Variants in SH3BP4 observed in about 807,000 individuals in gnomAD.
The protein encoded by SH3BP4 is SH3 domain binding protein 4.
Under a neutral mutation model 65.5 loss-of-function variants are expected in SH3BP4, and 33 were observed. The ratio of observed to expected loss-of-function variants is 0.50; its 90% CI spans 0.38 to 0.67. SH3BP4 has a LOEUF of 0.67. SH3BP4 is among the 30% of genes least tolerant of loss of function. The probability of loss-of-function intolerance (pLI) is 0.00; values close to 1 mark genes in which losing one functional copy is unlikely to be tolerated. For missense variants in SH3BP4, 1,134 were observed against 1,261.4 expected, an observed-to-expected ratio of 0.90 and a Z score of 1.53; for synonymous variants, 552 against 545.5, an observed-to-expected ratio of 1.01 and a Z score of -0.17.
At chr2:235,017,045 CTTTTTTTTTTTTT>C (rs995197698) in intron 2 of SH3BP4, among the ~76,000 whole-genome samples, 6 of 88,440 alleles carry the variant, frequency 6.8e-5, no homozygotes, top group African/African-American at 1.8e-4. Flanking sequence ...GTTTGCCTTT[CTTTTTTTTTTTTT>C]TTTTTTTTTT....
At position 234,959,139 on chromosome 2, in the gene SH3BP4, T is replaced by C. The variant is rs75470102; in HGVS notation, c.-207+6969T>C. Among the ~76,000 whole-genome samples the C allele has an allele frequency of 8.9e-3, 1,352 of 152,262 alleles. 37 individuals carry two copies. The highest frequency in any genetic ancestry group is 0.067 in the Admixed American group (1,021 of 15,298). On this transcript the variant is annotated intron_variant, in intron 1 of 5. Coordinates refer to ENST00000392011, the MANE Select transcript of SH3BP4 (RefSeq NM_014521.3). ...TGTGGAGGGCTGGCTGGGGGGCCCATTTGTCCTTAAGACTCAATTCAGCAG... is the reference window on the plus strand; with the variant it reads ...TGTGGAGGGCTGGCTGGGGGGCCCACTTGTCCTTAAGACTCAATTCAGCAG...
Position 235,041,421 on chromosome 2 carries a change from G to C in SH3BP4, c.652G>C (p.Asp218His). Residue 218 changes from aspartate to histidine, a missense_variant, in exon 4 of 6, where the codon GAT (aspartate) becomes CAT (histidine). Transcript: ENST00000392011. This position sits in a 1 kb window ranked among gnomAD's most constrained non-coding sequence, Gnocchi z 6.0. Reference sequence around the variant, plus strand: ...CACGAATAGCACTGGCAACATCTTCGATGAGCTTCCAGTCACAAACGGACT... The same window carrying C: ...CACGAATAGCACTGGCAACATCTTCCATGAGCTTCCAGTCACAAACGGACT... ...ATTNSTGNIFDELPVTNGLHA... is the reference protein window; with the variant it reads ...ATTNSTGNIFHELPVTNGLHA... 6.2e-7 allele frequency: 1 copy of C among 1,614,150 alleles called. No homozygotes were observed. Among genetic ancestry groups the C allele is most frequent in the Non-Finnish European group, 8.5e-7 (1 of 1,180,038 alleles).
intron 2 of SH3BP4, among the ~76,000 whole-genome samples, chr2:235,018,245 G>C (rs1241901944): frequency 6.6e-6 from 1 of 152,140 alleles, no homozygotes; most frequent in African/African-American, 2.4e-5. Flanking sequence ...GTGCTTGCTG[G>C]GAGTGAGGTG....
intron 1 of SH3BP4, among the ~76,000 whole-genome samples, chr2:234,968,377 CTTTTTTTT>C (rs551034590): frequency 9.5e-6 from 1 of 105,772 alleles, no homozygotes; most frequent in African/African-American, 3.5e-5. Flanking sequence ...CAGAGTTGTT[CTTTTTTTT>C]TTTTTTTTTT....
At position 235,052,421 on chromosome 2, in the gene SH3BP4, G is replaced by A; in HGVS notation, c.2479-141G>A. The A allele has an allele frequency of 1.6e-6, 1 of 616,684 alleles. No individual in the cohort carries two copies. The highest frequency in any genetic ancestry group is 2.7e-6 in the Non-Finnish European group (1 of 369,938). The allele number at this position is 616,684 out of a possible 1,614,324, so 38.2% of individuals were successfully genotyped here. A position where few individuals can be genotyped will look rare whatever the true frequency, so the allele number is the denominator to read the frequency against. ...TGAATCCTGGCAGTGATCGATTTCA[G>A]GGGACATTTGGTAGTAGGCCAGGGA... On this transcript the variant is annotated intron_variant, in intron 4 of 5. Transcript: ENST00000392011. The surrounding 1 kb of genome is among the most constrained non-coding windows in gnomAD (Gnocchi z 5.0).
intron 2 of SH3BP4, among the ~76,000 whole-genome samples, chr2:234,998,910 C>T (rs989523750): frequency 2.6e-5 from 4 of 152,158 alleles, no homozygotes; most frequent in African/African-American, 7.2e-5. Context: ...GTCCTGCAGG[C>T]ACTGATTCTG....
At chr2:235,010,253 C>G (rs1164965507) in intron 2 of SH3BP4, among the ~76,000 whole-genome samples, 2 of 152,196 alleles carry the variant, frequency 1.3e-5, no homozygotes, top group African/African-American at 4.8e-5. Context: ...CCCCTTTGCT[C>G]TGTCCCTGGG....
In SH3BP4 at chr2:234,995,331, C is replaced by T. The variant is rs1039161768; in HGVS notation, c.-178C>T. Reference sequence around the variant, plus strand: ...CTCCCTTCTCTCCTGGACAGAAGGCCGTGTCCTGGGACTTCTCTGATGGCG... The same window carrying T: ...CTCCCTTCTCTCCTGGACAGAAGGCTGTGTCCTGGGACTTCTCTGATGGCG... On this transcript the variant is annotated 5_prime_UTR_variant, in exon 2 of 6. Coordinates refer to ENST00000392011, the MANE Select transcript of SH3BP4 (RefSeq NM_014521.3). 10 of 152,308 alleles carry T rather than the reference C, an allele frequency of 6.6e-5. No individual in the cohort carries two copies. Among genetic ancestry groups the T allele is most frequent in the African/African-American group, 1.2e-4 (5 of 41,432 alleles). 9.4% of individuals were successfully genotyped at this position (152,308 alleles called of 1,614,324 possible). A position where few individuals can be genotyped will look rare whatever the true frequency, so the allele number is the denominator to read the frequency against.
intron 1 of SH3BP4, among the ~76,000 whole-genome samples, chr2:234,969,218 T>G (rs1249450038): frequency 6.6e-6 from 1 of 152,256 alleles, no homozygotes; most frequent in Non-Finnish European, 1.5e-5. Flanking sequence ...GCTTAGGCTA[T>G]CTCACTTATT....
intron 2 of SH3BP4, among the ~76,000 whole-genome samples, chr2:235,007,199 A>C (rs183455104): frequency 1.1e-3 from 160 of 152,164 alleles, no homozygotes; most frequent in African/African-American, 3.7e-3. Context: ...CCCTGCAGGA[A>C]GGCAGGAGCA....
At chr2:235,018,600 G>A (rs1372777803) in intron 2 of SH3BP4, among the ~76,000 whole-genome samples, 2 of 152,300 alleles carry the variant, frequency 1.3e-5, no homozygotes, top group African/African-American at 4.8e-5. Flanking sequence ...GTATTATTAC[G>A]AGTAATTTAG....
chr2:235,052,766 G>A lies in SH3BP4; in HGVS notation c.2667+16G>A. ...GGACAGCGAGGTGAGCAGCGGCTGA[G>A]CTTCGAGCTCACCGAGCCCCTCTGT... On this transcript the variant is annotated intron_variant, in intron 5 of 5. Coordinates refer to ENST00000392011, the MANE Select transcript of SH3BP4 (RefSeq NM_014521.3). This position sits in a 1 kb window ranked among gnomAD's most constrained non-coding sequence, Gnocchi z 5.0. 4 of 1,556,574 alleles carry A rather than the reference G, an allele frequency of 2.6e-6. No homozygotes were observed. The highest frequency in any genetic ancestry group is 3.5e-6 in the Non-Finnish European group (4 of 1,155,074).
rs1352690368 is a variant in SH3BP4 at position 235,052,170 on chromosome 2, C to T, written c.2479-392C>T. Among the ~76,000 whole-genome samples the T allele has an allele frequency of 2.7e-5, 4 of 147,008 alleles. No homozygotes were observed. Among genetic ancestry groups the T allele is most frequent in the Non-Finnish European group, 4.5e-5 (3 of 66,978 alleles). The stretch of plus-strand genomic sequence containing the variant: ...GCCGCATCTGTCCCGTCTCTGCCTC[C>T]GTCTTCACACGGCCTTCTTCTCTCT... On this transcript the variant is annotated intron_variant, in intron 4 of 5. Transcript: ENST00000392011. This position sits in a 1 kb window ranked among gnomAD's most constrained non-coding sequence, Gnocchi z 5.0.
At chr2:235,020,488 C>A (rs1156626858) in intron 2 of SH3BP4, among the ~76,000 whole-genome samples, 2 of 152,010 alleles carry the variant, frequency 1.3e-5, no homozygotes, top group East Asian at 1.9e-4. Flanking sequence ...CAGAGCAAGA[C>A]CCTGTCTGGA....
At chr2:234,969,792 A>T (rs1692933020) in intron 1 of SH3BP4, among the ~76,000 whole-genome samples, 1 of 152,146 alleles carries the variant, frequency 6.6e-6, no homozygotes, top group African/African-American at 2.4e-5. Context: ...GCCTCTGCCC[A>T]GTGGGACCTT....
intron 1 of SH3BP4, among the ~76,000 whole-genome samples, chr2:234,971,852 C>G (rs1347690613): frequency 6.6e-6 from 1 of 151,856 alleles, no homozygotes; most frequent in Non-Finnish European, 1.5e-5. Flanking sequence ...GAGTCTTGCT[C>G]TGTCGCTAGG....
rs1693166313 is a variant in SH3BP4, at chr2:234,976,290, A to T, written c.-206-19013A>T. On this transcript the variant is annotated intron_variant, in intron 1 of 5. Transcript: ENST00000392011. This position sits in a 1 kb window ranked among gnomAD's most constrained non-coding sequence, Gnocchi z 4.7. ...AGGTGGTATCTGGGCCCTTCTCCTA[A>T]AAATTGCCTTTTTATAAATGCAGGC... Among the ~76,000 whole-genome samples the T allele has an allele frequency of 6.6e-6, 1 of 152,230 alleles. No individual in the cohort carries two copies. Among genetic ancestry groups the T allele is most frequent in the South Asian group, 2.1e-4 (1 of 4,828 alleles).
Position 234,954,538 on chromosome 2 carries a change from A to G in SH3BP4, c.-207+2368A>G, listed in dbSNP as rs537070236. ...CCTTCACCGGGTGCCTTGTCTGTTC[A>G]TGTATTGTGCTCTTACTTTTCTCTG... On this transcript the variant is annotated intron_variant, in intron 1 of 5. Coordinates refer to ENST00000392011, the MANE Select transcript of SH3BP4 (RefSeq NM_014521.3). 1.3e-4 allele frequency among the ~76,000 whole-genome samples: 20 copies of G among 152,116 alleles called. 1 individual carries two copies. The highest frequency in any genetic ancestry group is 2.8e-4 in the Non-Finnish European group (19 of 68,010).
At chr2:234,958,845 C>T (rs1257894446) in intron 1 of SH3BP4, among the ~76,000 whole-genome samples, 3 of 151,958 alleles carry the variant, frequency 2.0e-5, no homozygotes, top group East Asian at 3.9e-4. Context: ...GTGGAGGCCA[C>T]GCAGAAGAAT....
Sources: gnomAD v4.1 joint callset for allele counts (sites outside exome capture counted in the v4.1 genomes callset) on GRCh38, gnomAD v4.1.1 for gene constraint, Gnocchi (gnomAD v3.1) non-coding constraint, MANE v1.5 for transcripts, NCBI Gene and HGNC (gene_info 2026-07-23, HGNC 2026-07-21) for gene names.